FBXL17: variants seen among roughly 807,000 people sequenced by gnomAD.
FBXL17 encodes F-box and leucine rich repeat protein 17.
Under a neutral mutation model 66.2 loss-of-function variants are expected in FBXL17, and 22 were observed. The observed-to-expected ratio is 0.33, with a 90% CI of 0.24 to 0.47. The LOEUF is 0.47. Among genes scored for constraint, FBXL17 ranks in the 20% least tolerant of loss-of-function variants. The pLI, the probability that FBXL17 is intolerant of heterozygous loss-of-function variation, is 1.00. For synonymous variants in FBXL17, 474 were observed against 400.5 expected (o/e 1.18, Z -2.19); for missense variants, 878 against 948.2 (o/e 0.93, Z 0.97).
chr5:108,364,715 A>G, intron 3 of FBXL17, 23 bp downstream of exon 3: 1 of 1,561,108 alleles, frequency 6.4e-7, no homozygotes, highest in Non-Finnish European at 8.7e-7. Context: ...AAGTAAAATC[A>G]CTTTATAAAT....
At chr5:108,043,836 C>T (rs1747142311) in intron 6 of FBXL17, among the ~76,000 whole-genome samples, 1 of 152,120 alleles carries the variant, frequency 6.6e-6, no homozygotes, top group Non-Finnish European at 1.5e-5. Context: ...GCTTCCAATC[C>T]ATCAGCAAAG....
At chr5:108,359,142 A>T (rs918451359) in intron 3 of FBXL17, among the ~76,000 whole-genome samples, 1 of 152,116 alleles carries the variant, frequency 6.6e-6, no homozygotes, top group Non-Finnish European at 1.5e-5. Context: ...TTTAATTTCT[A>T]TAAAGTCAGT....
intron 6 of FBXL17, among the ~76,000 whole-genome samples, chr5:108,137,873 T>C (rs1397954796): frequency 2.0e-5 from 3 of 152,194 alleles, no homozygotes; most frequent in Non-Finnish European, 4.4e-5. Context: ...TGCTAAGAAA[T>C]ACATTATCTA....
rs373250161 is a variant in FBXL17, at chr5:108,045,216, C to T, written c.1746-24215G>A. 3.2e-4 allele frequency among the ~76,000 whole-genome samples: 49 copies of T among 152,100 alleles called. No individual in the cohort carries two copies. The South Asian group carries it at 7.5e-3, about 23-fold the overall frequency. ...CAGCACTTTGGGAGGCTGAGGCAGG[C>T]GGATCATGAGGTCAGGAGTTCGAAA... On this transcript the variant is annotated intron_variant, in intron 6 of 8. Coordinates refer to ENST00000542267, the MANE Select transcript of FBXL17 (RefSeq NM_001163315.3).
chr5:108,198,424 T>G (rs769893133), intron 5 of FBXL17, among the ~76,000 whole-genome samples: 69 of 152,132 alleles, frequency 4.5e-4, no homozygotes, highest in Non-Finnish European at 8.4e-4. Flanking sequence ...CTAAAATAAA[T>G]AACTATGCAG....
At chr5:108,259,657 T>C (rs1208551052) in intron 4 of FBXL17, among the ~76,000 whole-genome samples, 12 of 152,008 alleles carry the variant, frequency 7.9e-5, no homozygotes, top group Non-Finnish European at 1.8e-4. Flanking sequence ...AGACATTTTC[T>C]CAGTGTCAAA....
At chr5:107,935,743 C>A (rs1395073076) in intron 7 of FBXL17, among the ~76,000 whole-genome samples, 1 of 152,030 alleles carries the variant, frequency 6.6e-6, no homozygotes. Flanking sequence ...GGTAACAAGT[C>A]TGAATAGAAA....
intron 3 of FBXL17, among the ~76,000 whole-genome samples, chr5:108,357,995 T>C (rs1377036455): frequency 6.6e-6 from 1 of 152,154 alleles, no homozygotes; most frequent in South Asian, 2.1e-4. Flanking sequence ...TTGGGGTGTG[T>C]AGAAATACAA....
intron 6 of FBXL17, among the ~76,000 whole-genome samples, chr5:108,122,485 T>C (rs1750541567): frequency 6.6e-6 from 1 of 152,248 alleles, no homozygotes; most frequent in Non-Finnish European, 1.5e-5. Context: ...TAAATCCATT[T>C]ATGAATTTCC....
intron 7 of FBXL17, among the ~76,000 whole-genome samples, chr5:107,962,633 A>G (rs1205725387): frequency 2.0e-5 from 3 of 152,044 alleles, no homozygotes; most frequent in Non-Finnish European, 2.9e-5. Context: ...AAAGTTATCT[A>G]TGAGCTAGTC....
At chr5:108,182,154 C>A (rs1361274737) in intron 6 of FBXL17, among the ~76,000 whole-genome samples, 1 of 152,170 alleles carries the variant, frequency 6.6e-6, no homozygotes, top group Non-Finnish European at 1.5e-5. Flanking sequence ...GAACTCAGTG[C>A]CCCACAGTCT....
At chr5:107,917,499 T>C (rs1214357262) in intron 7 of FBXL17, among the ~76,000 whole-genome samples, 4 of 152,214 alleles carry the variant, frequency 2.6e-5, no homozygotes, top group Admixed American at 6.5e-5. Flanking sequence ...AATTGTAGCA[T>C]ACTGAGCACT....
chr5:108,198,929 AGAT>A (rs1157610268), intron 5 of FBXL17, among the ~76,000 whole-genome samples: 2 of 152,084 alleles, frequency 1.3e-5, no homozygotes. Flanking sequence ...AAATTATTAA[AGAT>A]GATAAAAGTA....
At chr5:108,099,321 T>C (rs1749512418) in intron 6 of FBXL17, among the ~76,000 whole-genome samples, 1 of 152,192 alleles carries the variant, frequency 6.6e-6, no homozygotes, top group South Asian at 2.1e-4. Context: ...TTAGTTTTCT[T>C]AGGCTAGGCC....
chr5:108,293,208 A>G lies in FBXL17; in HGVS notation c.1506+55191T>C, dbSNP rs548199301. Among the ~76,000 whole-genome samples the G allele has an allele frequency of 2.4e-4, 36 of 152,202 alleles. No homozygotes were observed. In the South Asian group the frequency reaches 7.3e-3, roughly 31 times the overall value. On this transcript the variant is annotated intron_variant, in intron 4 of 8. Transcript: ENST00000542267. ...GCTCATACTTTAAATATTTCTTGGT[A>G]GGAATCATTACATCTTACAATAAGG...
intron 6 of FBXL17, among the ~76,000 whole-genome samples, chr5:108,154,674 T>TATATATATACAC (rs1426668486): frequency 7.0e-6 from 1 of 143,280 alleles, no homozygotes. Context: ...TATATATGTG[T>TATATATATACAC]ATATATATAC....
At chr5:107,933,090 G>A (rs1025859342) in intron 7 of FBXL17, among the ~76,000 whole-genome samples, 2 of 152,068 alleles carry the variant, frequency 1.3e-5, no homozygotes, top group Non-Finnish European at 2.9e-5. Context: ...AAAAGTTCCA[G>A]GTTTCTTATT....
At chr5:108,299,477 T>C (rs1337183743) in intron 4 of FBXL17, 1 of 934,234 alleles carries the variant, frequency 1.1e-6, no homozygotes, top group Non-Finnish European at 1.3e-6. Context: ...TAAATCACAA[T>C]CTAAAAGTTA....
intron 4 of FBXL17, among the ~76,000 whole-genome samples, chr5:108,347,510 C>T (rs1346518080): frequency 1.3e-5 from 2 of 152,082 alleles, no homozygotes; most frequent in African/African-American, 2.4e-5. Flanking sequence ...AGCCATAAAA[C>T]ATAATAAAGC....
Sources: gnomAD v4.1 joint callset for allele counts (sites outside exome capture counted in the v4.1 genomes callset) on GRCh38, gnomAD v4.1.1 for gene constraint, MANE v1.5 for transcripts, NCBI Gene and HGNC (gene_info 2026-07-23, HGNC 2026-07-21) for gene names.